Variants in UBXN2A observed in about 807,000 individuals in gnomAD.
The protein encoded by UBXN2A is UBX domain protein 2A.
In UBXN2A, 28 loss-of-function variants were observed where a neutral mutation model predicts 28.4. The ratio of observed to expected loss-of-function variants is 0.99; its 90% CI spans 0.73 to 1.35. The LOEUF is 1.35. UBXN2A is among the 40% of genes most tolerant of loss of function. The probability of loss-of-function intolerance (pLI) is 0.00; values close to 1 mark genes in which losing one functional copy is unlikely to be tolerated. For synonymous variants in UBXN2A, 97 were observed against 103.6 expected (o/e 0.94, Z 0.39); for missense variants, 253 against 297.9 (o/e 0.85, Z 1.11).
upstream of UBXN2A, among the ~76,000 whole-genome samples, chr2:23,939,831 C>CG (rs1705658272): frequency 6.6e-6 from 1 of 152,158 alleles, no homozygotes; most frequent in Non-Finnish European, 1.5e-5. Flanking sequence ...ACAAAGGGGC[C>CG]GGGCGCGGTG....
chr2:23,961,719 T>C (rs1181244479), intron 2 of UBXN2A, among the ~76,000 whole-genome samples: 1 of 150,210 alleles, frequency 6.7e-6, no homozygotes, highest in Admixed American at 6.7e-5. Flanking sequence ...AGCTAATTTT[T>C]GTATTTTTAG....
rs550247733 is a variant in UBXN2A at position 23,974,814 on chromosome 2, C to A, written c.181-2155C>A. Among the ~76,000 whole-genome samples the A allele has an allele frequency of 2.0e-5, 3 of 152,112 alleles. No homozygotes were observed. In the South Asian group the frequency reaches 6.2e-4, roughly 31 times the overall value. ...CTAACGTGCTGAAACTCTTTCTCTACTAAAAAATACAAAAATTAGCTGAGC... is the reference window on the plus strand; with the variant it reads ...CTAACGTGCTGAAACTCTTTCTCTAATAAAAAATACAAAAATTAGCTGAGC... On this transcript the variant is annotated intron_variant, in intron 3 of 6. Transcript: ENST00000309033.
At chr2:23,988,365 G>C (rs568459905) in intron 6 of UBXN2A, among the ~76,000 whole-genome samples, 2 of 152,102 alleles carry the variant, frequency 1.3e-5, no homozygotes, top group Non-Finnish European at 2.9e-5. Flanking sequence ...ATAGCAAAAG[G>C]CCATTCAGAA....
At chr2:23,969,582 C>G (rs1246500911) in intron 2 of UBXN2A, among the ~76,000 whole-genome samples, 2 of 151,944 alleles carry the variant, frequency 1.3e-5, no homozygotes, top group African/African-American at 4.8e-5. Context: ...AGAATGGTCT[C>G]AATCTCTTGA....
intron 4 of UBXN2A, among the ~76,000 whole-genome samples, chr2:23,981,476 T>TAA (rs55665209): frequency 0.017 from 506 of 28,940 alleles, 44 homozygotes; most frequent in Middle Eastern, 0.031. Context: ...AGCTCCTATC[T>TAA]AAAAAAAAAA....
intron 1 of UBXN2A, among the ~76,000 whole-genome samples, chr2:23,951,705 C>T (rs1353505938): frequency 1.3e-5 from 2 of 151,948 alleles, no homozygotes. Flanking sequence ...AAGTGATCCC[C>T]CTGCCTGGGC....
chr2:23,956,274 T>G (rs1301090067), intron 1 of UBXN2A, among the ~76,000 whole-genome samples: 1 of 152,138 alleles, frequency 6.6e-6, no homozygotes, highest in African/African-American at 2.4e-5. Flanking sequence ...ATGTTCAGTT[T>G]ACCAGATTTA....
intron 4 of UBXN2A, among the ~76,000 whole-genome samples, chr2:23,977,993 A>G (rs1010278174): frequency 6.6e-6 from 1 of 151,918 alleles, no homozygotes; most frequent in Non-Finnish European, 1.5e-5. Flanking sequence ...CACCATGCCC[A>G]TCTAATTTTT....
rs1287044096 is a variant in UBXN2A, at chr2:23,949,372, C to A, written c.-15+8724C>A. On this transcript the variant is annotated intron_variant, in intron 1 of 6. Transcript: ENST00000309033. ...GGATCATGAGGTCAGGAGATGGAGA[C>A]CATCCTGGCTAACACATCGAAACCC... 2.0e-5 allele frequency among the ~76,000 whole-genome samples: 3 copies of A among 151,294 alleles called. No homozygotes were observed. In the East Asian group the frequency reaches 6.0e-4, roughly 30 times the overall value.
At chr2:23,954,564 C>T (rs1033904303) in intron 1 of UBXN2A, among the ~76,000 whole-genome samples, 4 of 152,102 alleles carry the variant, frequency 2.6e-5, no homozygotes, top group Non-Finnish European at 4.4e-5. Flanking sequence ...CTTGCCAACG[C>T]TTGTTTTCTG....
At chr2:23,942,824 GGA>G (rs1705834458) in intron 1 of UBXN2A, among the ~76,000 whole-genome samples, 2 of 151,786 alleles carry the variant, frequency 1.3e-5, no homozygotes, top group Non-Finnish European at 2.9e-5. Context: ...TCAAATGTAG[GGA>G]GAGAACAGTA....
At chr2:23,998,002 G>T (rs1708606956) in intron 6 of UBXN2A, among the ~76,000 whole-genome samples, 1 of 151,464 alleles carries the variant, frequency 6.6e-6, no homozygotes, top group Non-Finnish European at 1.5e-5. Flanking sequence ...AGTAAAGACA[G>T]AGTTTCACTA....
chr2:23,967,241 T>C (rs574909562), intron 2 of UBXN2A, among the ~76,000 whole-genome samples: 116 of 152,282 alleles, frequency 7.6e-4, no homozygotes, highest in African/African-American at 2.7e-3. Context: ...ATTTGAGTAA[T>C]TTGAATGCAC....
intron 2 of UBXN2A, among the ~76,000 whole-genome samples, chr2:23,964,869 C>T (rs1340862075): frequency 2.6e-5 from 4 of 152,238 alleles, no homozygotes; most frequent in South Asian, 4.1e-4. Flanking sequence ...ACTGGCTGAG[C>T]GCAGTGGCTC....
At chr2:23,973,261 T>G (rs1434045137) in intron 3 of UBXN2A, among the ~76,000 whole-genome samples, 1 of 152,022 alleles carries the variant, frequency 6.6e-6, no homozygotes, top group African/African-American at 2.4e-5. Context: ...CCTTGTGATC[T>G]GCCCACCTCA....
chr2:23,970,706 G>T (rs1707377596), intron 2 of UBXN2A, among the ~76,000 whole-genome samples: 1 of 151,814 alleles, frequency 6.6e-6, no homozygotes, highest in South Asian at 2.1e-4. Flanking sequence ...TAGAATCAGT[G>T]GGAATCCTAA....
chr2:23,928,531 C>T (rs1484831126), intron 1 of UBXN2A, among the ~76,000 whole-genome samples: 2 of 151,426 alleles, frequency 1.3e-5, no homozygotes, highest in South Asian at 2.1e-4. Flanking sequence ...AAGCCAAGAT[C>T]GTGCCACTGC....
chr2:23,927,771 TGC>T (rs752475222), intron 1 of UBXN2A, among the ~76,000 whole-genome samples: 153 of 151,196 alleles, frequency 1.0e-3, no homozygotes, highest in Non-Finnish European at 1.7e-3. Context: ...CGCCGCCCCC[TGC>T]CCCCGGCCCG....
At chr2:23,976,216 A>C (rs569402890) in intron 3 of UBXN2A, among the ~76,000 whole-genome samples, 2 of 152,290 alleles carry the variant, frequency 1.3e-5, no homozygotes, top group South Asian at 4.1e-4. Flanking sequence ...AGCGGGAGCT[A>C]CCGCGCCTGG....
Sources: gnomAD v4.1 joint callset for allele counts (sites outside exome capture counted in the v4.1 genomes callset) on GRCh38, gnomAD v4.1.1 for gene constraint, MANE v1.5 for transcripts, NCBI Gene and HGNC (gene_info 2026-07-23, HGNC 2026-07-21) for gene names.